MTAP: variants seen among roughly 807,000 people sequenced by gnomAD.
The protein encoded by MTAP is methylthioadenosine phosphorylase.
Under a neutral mutation model 33.6 loss-of-function variants are expected in MTAP, and 33 were observed. The observed-to-expected ratio is 0.98, with a 90% CI of 0.74 to 1.31. MTAP has a LOEUF of 1.31. MTAP is among the 40% of genes most tolerant of loss of function. MTAP has a pLI of 0.00. For synonymous variants in MTAP, 148 were observed against 125.7 expected (o/e 1.18, Z -1.19); for missense variants, 367 against 360.0 (o/e 1.02, Z -0.16).
Position 21,856,240 on chromosome 9 carries a change from A to G in MTAP, c.690+1370A>G, listed in dbSNP as rs1353327776. The G allele has an allele frequency of 1.0e-5, 9 of 904,100 alleles. 1 individual carries two copies. The highest frequency in any genetic ancestry group is 1.2e-5 in the Non-Finnish European group (9 of 755,704). 56.0% of individuals were successfully genotyped at this position (904,100 alleles called of 1,614,324 possible). A position where few individuals can be genotyped will look rare whatever the true frequency, so the allele number is the denominator to read the frequency against. On this transcript the variant is annotated intron_variant, in intron 6 of 7. Coordinates refer to ENST00000644715, the MANE Select transcript of MTAP (RefSeq NM_002451.4). Reference sequence around the variant, plus strand: ...ACATTTAGGGTAAGTGACATCTCCAAAGAGGCCTAATATTGTACCACCGTT... The same window carrying G: ...ACATTTAGGGTAAGTGACATCTCCAGAGAGGCCTAATATTGTACCACCGTT...
chr9:21,912,686 G>T (rs1019894549), intron 1 of MTAP, among the ~76,000 whole-genome samples: 4 of 152,108 alleles, frequency 2.6e-5, no homozygotes, highest in Non-Finnish European at 5.9e-5. Flanking sequence ...ATACTGAATG[G>T]GCAAAAACTG....
intron 4 of MTAP, among the ~76,000 whole-genome samples, chr9:21,821,705 A>G (rs1158612320): frequency 6.6e-6 from 1 of 152,192 alleles, no homozygotes; most frequent in Non-Finnish European, 1.5e-5. Flanking sequence ...GAATGGTACC[A>G]GCTCCTCCTT....
In MTAP at chr9:21,855,451, C is replaced by CA. The variant is rs557249935; in HGVS notation, c.690+582dup. On this transcript the variant is annotated intron_variant, in intron 6 of 7. Transcript: ENST00000644715. ...ACTAGGTCAACTGAATAGAGTTGAC[C>CA]AGACCAAATATTTGAAGTATGAGAA... Among the ~76,000 whole-genome samples the CA allele has an allele frequency of 9.2e-5, 14 of 152,246 alleles. No homozygotes were observed. In the East Asian group the frequency reaches 2.7e-3, roughly 29 times the overall value.
chr9:21,852,793 A>G (rs992198020), intron 5 of MTAP, among the ~76,000 whole-genome samples: 1 of 151,858 alleles, frequency 6.6e-6, no homozygotes, highest in African/African-American at 2.4e-5. Context: ...TGTACCATGT[A>G]CAAATACGTG....
chr9:21,914,903 T>A (rs1226765915), intron 1 of MTAP, among the ~76,000 whole-genome samples: 1 of 148,888 alleles, frequency 6.7e-6, no homozygotes, highest in East Asian at 2.0e-4. Context: ...ATGAAAAGAG[T>A]CATATAATAT....
At chr9:21,916,141 T>A (rs1818687903) in intron 1 of MTAP, among the ~76,000 whole-genome samples, 1 of 137,778 alleles carries the variant, frequency 7.3e-6, no homozygotes, top group African/African-American at 2.9e-5. Context: ...GGAAGGAAAA[T>A]AACCTAGTTA....
intron 5 of MTAP, among the ~76,000 whole-genome samples, chr9:21,844,904 C>T (rs1005072574): frequency 2.6e-5 from 4 of 152,032 alleles, no homozygotes; most frequent in African/African-American, 7.2e-5. Flanking sequence ...TGGTAGCGGG[C>T]GCCTGTAGTC....
chr9:21,906,064 A>G (rs1818472049), intron 1 of MTAP, among the ~76,000 whole-genome samples: 1 of 152,248 alleles, frequency 6.6e-6, no homozygotes. Context: ...AAACAGAAGC[A>G]AAACATTTCT....
At chr9:21,916,347 C>T (rs1304073371) in intron 1 of MTAP, among the ~76,000 whole-genome samples, 3 of 152,094 alleles carry the variant, frequency 2.0e-5, no homozygotes, top group African/African-American at 4.8e-5. Flanking sequence ...TGGTGGCTCA[C>T]GTCTGAAATC....
At chr9:21,817,965 C>G in intron 3 of MTAP, 70 bp from the exon 4 acceptor site, 1 of 1,427,364 alleles carries the variant, frequency 7.0e-7, no homozygotes, top group Non-Finnish European at 9.3e-7. Context: ...TTAATTTTTT[C>G]TAGACTCTAG....
chr9:21,897,614 G>A (rs1818317968), intron 1 of MTAP, among the ~76,000 whole-genome samples: 1 of 152,150 alleles, frequency 6.6e-6, no homozygotes, highest in African/African-American at 2.4e-5. Context: ...CAAATCATGA[G>A]TGAACTCCCA....
At chr9:21,924,694 C>G (rs1818838827) in intron 1 of MTAP, among the ~76,000 whole-genome samples, 1 of 152,188 alleles carries the variant, frequency 6.6e-6, no homozygotes, top group Admixed American at 6.5e-5. Context: ...CCCTTTGGCC[C>G]CATTATATCC....
At chr9:21,918,714 A>C (rs550017215) in intron 1 of MTAP, among the ~76,000 whole-genome samples, 1 of 152,258 alleles carries the variant, frequency 6.6e-6, no homozygotes, top group East Asian at 1.9e-4. Context: ...ATAGTGAATA[A>C]ATCTCACAAG....
intron 1 of MTAP, among the ~76,000 whole-genome samples, chr9:21,885,779 GGTGT>G (rs34691018): frequency 0.32 from 45,616 of 144,164 alleles, 7,358 homozygotes; most frequent in Non-Finnish European, 0.38. Context: ...AGTATTACAT[GGTGT>G]GTGTGTGTGT....
chr9:21,884,998 A>C (rs1056836390), intron 1 of MTAP, among the ~76,000 whole-genome samples: 18 of 152,168 alleles, frequency 1.2e-4, no homozygotes, highest in African/African-American at 4.3e-4. Context: ...GTTATGATAG[A>C]GAAAGAATAT....
At position 21,866,606 on chromosome 9, in the gene MTAP, C is replaced by T. The variant is rs1411707137; in HGVS notation, c.*4592C>T. 6.6e-6 allele frequency: 1 copy of T among 152,104 alleles called. No individual in the cohort carries two copies. The highest frequency in any genetic ancestry group is 6.6e-5 in the Admixed American group (1 of 15,258). The allele number at this position is 152,104 out of a possible 1,614,324, so 9.4% of individuals were successfully genotyped here. On this transcript the variant is annotated 3_prime_UTR_variant, in exon 8 of 8. Coordinates refer to ENST00000644715, the MANE Select transcript of MTAP (RefSeq NM_002451.4). ...ATTTATGTCATTTATCTATGTGTCT[C>T]TTCTTATGCCAGTACCCCACTGTCT...
chr9:21,837,346 AG>A (rs1825136786), intron 4 of MTAP, among the ~76,000 whole-genome samples: 1 of 152,202 alleles, frequency 6.6e-6, no homozygotes, highest in African/African-American at 2.4e-5. Flanking sequence ...ATTAAATGCA[AG>A]GTAAGTACCT....
At chr9:21,836,457 G>C (rs1353984913) in intron 4 of MTAP, among the ~76,000 whole-genome samples, 1 of 152,122 alleles carries the variant, frequency 6.6e-6, no homozygotes, top group Non-Finnish European at 1.5e-5. Flanking sequence ...CGGGTGTTAT[G>C]GTGTGGAAGT....
At chr9:21,915,464 C>A (rs781564997) in intron 1 of MTAP, among the ~76,000 whole-genome samples, 1 of 151,988 alleles carries the variant, frequency 6.6e-6, no homozygotes, top group Non-Finnish European at 1.5e-5. Context: ...TCATTTGTCA[C>A]CTGGATTGTT....
Sources: gnomAD v4.1 joint callset for allele counts (sites outside exome capture counted in the v4.1 genomes callset) on GRCh38, gnomAD v4.1.1 for gene constraint, MANE v1.5 for transcripts, NCBI Gene and HGNC (gene_info 2026-07-23, HGNC 2026-07-21) for gene names.